Variants in BRF1 observed in about 807,000 individuals in gnomAD.
BRF1 encodes the protein transcription factor IIIB 90 kDa subunit.
BRF1 carries 59 observed loss-of-function variants against 81.7 expected under a neutral mutation model. The ratio of observed to expected loss-of-function variants is 0.72; its 90% CI spans 0.59 to 0.90. The LOEUF (loss-of-function observed/expected upper bound fraction) is 0.90. Among genes scored for constraint, BRF1 ranks in the 40% least tolerant of loss-of-function variants. BRF1 has a pLI of 0.00. For missense variants in BRF1, 1,050 were observed against 936.3 expected, an observed-to-expected ratio of 1.12 and a Z score of -1.58; for synonymous variants, 491 against 395.6, an observed-to-expected ratio of 1.24 and a Z score of -2.86.
At chr14:105,241,149 A>C (rs1332763359) in intron 6 of BRF1, 116 bp downstream of exon 6, 17 of 1,486,594 alleles carry the variant, frequency 1.1e-5, no homozygotes, top group Non-Finnish European at 1.5e-5. Flanking sequence ...GGGAGGCTGG[A>C]GGCAGCTCTC....
chr14:105,301,862 C>T (rs1404956219), upstream of BRF1, among the ~76,000 whole-genome samples: 1 of 152,186 alleles, frequency 6.6e-6, no homozygotes, highest in Non-Finnish European at 1.5e-5. Context: ...CGTAACCAGG[C>T]GTAGTGGCTC....
chr14:105,216,522 C>T (rs1005838579), intron 15 of BRF1, among the ~76,000 whole-genome samples: 13 of 152,178 alleles, frequency 8.5e-5, no homozygotes, highest in Non-Finnish European at 1.3e-4. Flanking sequence ...GGGGCTGAGA[C>T]GCCGGCTGAG....
At chr14:105,217,221 C>A (rs1891473046) in intron 15 of BRF1, 1 of 475,060 alleles carries the variant, frequency 2.1e-6, no homozygotes, top group Non-Finnish European at 3.8e-6. Context: ...GCTGGGGACT[C>A]TTCTTCCCGA....
At chr14:105,248,470 G>A in intron 5 of BRF1, 1 of 984,938 alleles carries the variant, frequency 1.0e-6, no homozygotes, top group Non-Finnish European at 1.2e-6. Flanking sequence ...GAGCAGCTTC[G>A]AGGATGTCGG....
chr14:105,294,093 T>C (rs7154463), intron 1 of BRF1, among the ~76,000 whole-genome samples: 56,188 of 152,006 alleles, frequency 0.37, 11,247 homozygotes, highest in African/African-American at 0.53. Context: ...GGATGCCAAG[T>C]GGGCACCTAG....
rs1388801173 is a variant in BRF1, at chr14:105,209,473, GGTCA to G, written c.*1074_*1077del. On this transcript the variant is annotated 3_prime_UTR_variant, in exon 18 of 18. Coordinates refer to ENST00000547530, the MANE Select transcript of BRF1 (RefSeq NM_001519.4). ...CCATGGGGAGGATGAGGCCCCTGGG[GGTCA>G]GTGAGGCACGGCTCTGCCTCAAGGC... 2.9e-6 allele frequency: 2 copies of G among 699,964 alleles called. No homozygotes were observed. The highest frequency in any genetic ancestry group is 2.0e-5 in the Admixed American group (1 of 49,890). The allele number at this position is 699,964 out of a possible 1,614,324, so 43.4% of individuals were successfully genotyped here.
chr14:105,253,012 T>G (rs2055693383), intron 4 of BRF1, among the ~76,000 whole-genome samples: 1 of 152,232 alleles, frequency 6.6e-6, no homozygotes, highest in African/African-American at 2.4e-5. Flanking sequence ...GACTGAGATC[T>G]GTGTTCCTCA....
chr14:105,255,348 T>C (rs988676902), intron 4 of BRF1, among the ~76,000 whole-genome samples: 5 of 152,236 alleles, frequency 3.3e-5, no homozygotes, highest in Non-Finnish European at 7.3e-5. Flanking sequence ...GTTTCAGCAG[T>C]AGCTTCTGAG....
At chr14:105,256,347 T>C (rs1021284275) in intron 4 of BRF1, 171 bp downstream of exon 4, 3 of 1,557,374 alleles carry the variant, frequency 1.9e-6, no homozygotes, top group Non-Finnish European at 2.6e-6. Flanking sequence ...GTGACCCCCA[T>C]GTCATGAAGG....
At chr14:105,246,192 C>T (rs967565986) in intron 5 of BRF1, among the ~76,000 whole-genome samples, 7 of 151,794 alleles carry the variant, frequency 4.6e-5, no homozygotes, top group Non-Finnish European at 8.8e-5. Flanking sequence ...CGCACTCCAG[C>T]CTGGGCAACG....
chr14:105,307,227 C>T (rs1305253225), intron 1 of BRF1, among the ~76,000 whole-genome samples: 2 of 151,980 alleles, frequency 1.3e-5, no homozygotes, highest in Non-Finnish European at 2.9e-5. Context: ...CTTTGATATG[C>T]AGAGCAACCA....
Position 105,209,831 on chromosome 14 carries a change from G to A in BRF1, c.*720C>T, listed in dbSNP as rs1342883682. 2.0e-6 allele frequency: 1 copy of A among 503,842 alleles called. No individual in the cohort carries two copies. The highest frequency in any genetic ancestry group is 2.0e-5 in the African/African-American group (1 of 49,916). The allele number at this position is 503,842 out of a possible 1,614,324, so 31.2% of individuals were successfully genotyped here. The stretch of plus-strand genomic sequence containing the variant: ...TCAGTTCACCTGCCGGCAGCCGCAG[G>A]GCTCCTGGGCCCACAACTCAAGTGG... On this transcript the variant is annotated 3_prime_UTR_variant, in exon 18 of 18. Transcript: ENST00000547530.
At position 105,228,641 on chromosome 14, in the gene BRF1, C is replaced by T. The variant is rs149999008; in HGVS notation, c.788+179G>A. ...TAGCAGGGAACTCTCTGGAGGGAGG[C>T]GAGGCAGCCCACCAGCACGTCCAAG... On this transcript the variant is annotated intron_variant, in intron 7 of 17. Coordinates refer to ENST00000547530, the MANE Select transcript of BRF1 (RefSeq NM_001519.4). Among the ~76,000 whole-genome samples the T allele has an allele frequency of 3.8e-3, 577 of 151,944 alleles. 4 individuals are homozygous for T. The highest frequency in any genetic ancestry group is 0.012 in the African/African-American group (480 of 41,410).
At chr14:105,212,791 A>T (rs988503435) in intron 15 of BRF1, 1 of 152,590 alleles carries the variant, frequency 6.6e-6, no homozygotes, top group Admixed American at 6.5e-5. Flanking sequence ...GGAAGGACGC[A>T]GCGGGGCAGA....
At chr14:105,225,680 C>G (rs960370432) in intron 10 of BRF1, among the ~76,000 whole-genome samples, 1 of 151,848 alleles carries the variant, frequency 6.6e-6, no homozygotes, top group Non-Finnish European at 1.5e-5. Context: ...CGGAGTCTCG[C>G]TCTGTCACCC....
chr14:105,212,456 A>G, intron 15 of BRF1: 1 of 408,004 alleles, frequency 2.5e-6, no homozygotes, highest in East Asian at 4.9e-5. Flanking sequence ...TGAGCCCTCA[A>G]GGAGCTGCCT....
chr14:105,211,693 C>G, intron 16 of BRF1: 1 of 352,068 alleles, frequency 2.8e-6, no homozygotes, highest in Non-Finnish European at 5.2e-6. Flanking sequence ...CCCCAGCCCC[C>G]GCCACCTGCC....
At position 105,245,396 on chromosome 14, in the gene BRF1, A is replaced by T. The variant is rs587657509; in HGVS notation, c.545-3982T>A. ...AATAAATAAATAAAGGAAGCAATGAAATTAATGAACTAAAATAACAGAAAA... is the reference window on the plus strand; with the variant it reads ...AATAAATAAATAAAGGAAGCAATGATATTAATGAACTAAAATAACAGAAAA... On this transcript the variant is annotated intron_variant, in intron 5 of 17. Transcript: ENST00000547530. Among the ~76,000 whole-genome samples the T allele has an allele frequency of 2.0e-5, 3 of 152,308 alleles. No individual in the cohort carries two copies. In the South Asian group the frequency reaches 6.2e-4, roughly 32 times the overall value.
chr14:105,214,384 G>A (rs1009840474), intron 15 of BRF1, among the ~76,000 whole-genome samples: 1 of 152,204 alleles, frequency 6.6e-6, no homozygotes, highest in Non-Finnish European at 1.5e-5. Context: ...AGACAAGCTC[G>A]GAGGGAGCGG....
Sources: gnomAD v4.1 joint callset for allele counts (sites outside exome capture counted in the v4.1 genomes callset) on GRCh38, gnomAD v4.1.1 for gene constraint, MANE v1.5 for transcripts, NCBI Gene and HGNC (gene_info 2026-07-23, HGNC 2026-07-21) for gene names.